The following ECSIT variants were observed in gnomAD, a reference collection of about 807,000 sequenced individuals.
ECSIT encodes the protein evolutionarily conserved signaling intermediate in Toll pathway, mitochondrial.
ECSIT carries 29 observed loss-of-function variants against 36.8 expected under a neutral mutation model. The observed-to-expected ratio is 0.79, with a 90% CI of 0.59 to 1.08. The LOEUF is 1.08. Among genes scored for constraint, ECSIT ranks in the 50% least tolerant of loss-of-function variants. ECSIT has a pLI of 0.00. For synonymous variants in ECSIT, 231 were observed against 234.8 expected (o/e 0.98, Z 0.15); for missense variants, 542 against 581.0 (o/e 0.93, Z 0.69).
chr19:11,507,982 C>G lies in ECSIT; in HGVS notation c.796+9G>C, dbSNP rs368448235. 6.8e-6 allele frequency: 11 copies of G among 1,613,936 alleles called. No homozygotes were observed. Among genetic ancestry groups the G allele is most frequent in the Non-Finnish European group, 8.5e-7 (1 of 1,179,992 alleles). On this transcript the variant is annotated intron_variant, in intron 5 of 7. Transcript: ENST00000270517. The stretch of plus-strand genomic sequence containing the variant: ...AGAGACTTGGCTGCCCCCATGCTCT[C>G]GGACTTACCTACGATGTGGGGCTGG...
intron 2 of ECSIT, among the ~76,000 whole-genome samples, chr19:11,514,718 G>T (rs779994423): frequency 6.6e-6 from 1 of 151,876 alleles, no homozygotes; most frequent in African/African-American, 2.4e-5. Context: ...GACGGGAGTC[G>T]CACTATTTTG....
At chr19:11,518,350 C>T (rs1972038359) in intron 2 of ECSIT, among the ~76,000 whole-genome samples, 1 of 152,028 alleles carries the variant, frequency 6.6e-6, no homozygotes, top group Admixed American at 6.6e-5. Context: ...TCACTTGAAC[C>T]CAGGAGGCAG....
chr19:11,521,477 A>T (rs1459073678), intron 1 of ECSIT, among the ~76,000 whole-genome samples: 1 of 151,430 alleles, frequency 6.6e-6, no homozygotes, highest in Admixed American at 6.6e-5. Context: ...TTTTTCAGTA[A>T]AAGTTATGGC....
chr19:11,520,262 C>T (rs1972075706), intron 1 of ECSIT, among the ~76,000 whole-genome samples: 1 of 152,018 alleles, frequency 6.6e-6, no homozygotes, highest in South Asian at 2.1e-4. Context: ...ACCTTCGCCT[C>T]CCGGATTCAA....
Position 11,506,052 on chromosome 19 carries a change from C to T in ECSIT, c.*132G>A, listed in dbSNP as rs1971727047. On this transcript the variant is annotated 3_prime_UTR_variant, in exon 8 of 8. Coordinates refer to ENST00000270517, the MANE Select transcript of ECSIT (RefSeq NM_016581.5). ...AGCCCGAGATCCTGGGGAGGGGATG[C>T]CATACTGCTAGAGATGAGGGAAGAG... is the stretch of plus-strand genomic sequence containing the variant. The T allele has an allele frequency of 1.4e-6, 2 of 1,418,238 alleles. No homozygotes were observed. Among genetic ancestry groups the T allele is most frequent in the Middle Eastern group, 2.6e-4 (1 of 3,858 alleles). The allele number at this position is 1,418,238 out of a possible 1,614,324, so 87.9% of individuals were successfully genotyped here.
chr19:11,519,356 T>C lies in ECSIT; in HGVS notation c.-23-163A>G, dbSNP rs1972057630. On this transcript the variant is annotated intron_variant, in intron 1 of 7. Coordinates refer to ENST00000270517, the MANE Select transcript of ECSIT (RefSeq NM_016581.5). The surrounding 1 kb of genome is among the most constrained non-coding windows in gnomAD (Gnocchi z 4.4). ...GGCTGATGACTCAAAGACTTTGTTC[T>C]TGGGACAGCACCCTAATCCTGCTGC... Among the ~76,000 whole-genome samples, 1 of 152,176 alleles carries C rather than the reference T, an allele frequency of 6.6e-6. No individual in the cohort carries two copies. Among genetic ancestry groups the C allele is most frequent in the East Asian group, 1.9e-4 (1 of 5,196 alleles).
chr19:11,524,586 T>C (rs1383679532), intron 1 of ECSIT, among the ~76,000 whole-genome samples: 12 of 150,956 alleles, frequency 7.9e-5, no homozygotes, highest in Admixed American at 7.3e-4. Context: ...ATGCTTCTTA[T>C]CCACTTTGGG....
Position 11,519,211 on chromosome 19 carries a change from TCAG to T in ECSIT, c.-23-21_-23-19del. The T allele has an allele frequency of 6.6e-7, 1 of 1,507,848 alleles. No individual in the cohort carries two copies. The allele number at this position is 1,507,848 out of a possible 1,614,324, so 93.4% of individuals were successfully genotyped here. A position where few individuals can be genotyped will look rare whatever the true frequency, so the allele number is the denominator to read the frequency against. ...ACAATCACCTGGCCCAAAAGAAGAT[TCAG>T]CATTAGCCTGGCACCTTACAGATGC... On this transcript the variant is annotated intron_variant, in intron 1 of 7. Coordinates refer to ENST00000270517, the MANE Select transcript of ECSIT (RefSeq NM_016581.5). This position sits in a 1 kb window ranked among gnomAD's most constrained non-coding sequence, Gnocchi z 4.4.
intron 4 of ECSIT, among the ~76,000 whole-genome samples, chr19:11,508,840 C>G (rs1219457743): frequency 2.0e-5 from 3 of 152,058 alleles, no homozygotes; most frequent in Non-Finnish European, 2.9e-5. Context: ...GGGCATGAAC[C>G]TAACTTTGGG....
chr19:11,507,594 A>G, intron 6 of ECSIT, 32 bp from the exon 7 acceptor site: 2 of 1,613,578 alleles, frequency 1.2e-6, no homozygotes, highest in Non-Finnish European at 1.7e-6. Context: ...AGGCGGGGTC[A>G]GAGGCCAGGG....
chr19:11,527,445 C>T (rs1972238842), intron 1 of ECSIT, among the ~76,000 whole-genome samples: 1 of 152,140 alleles, frequency 6.6e-6, no homozygotes, highest in Admixed American at 6.6e-5. Flanking sequence ...CTTTGGGAGA[C>T]CAAGGTAGGA....
intron 5 of ECSIT, 37 bp from the exon 6 acceptor site, chr19:11,507,887 G>T: frequency 6.2e-7 from 1 of 1,613,886 alleles, no homozygotes; most frequent in Non-Finnish European, 8.5e-7. Flanking sequence ...GCCCTGCAAG[G>T]GACTCGGCCC....
chr19:11,506,726 G>T (rs1971751395), intron 7 of ECSIT, among the ~76,000 whole-genome samples: 1 of 151,984 alleles, frequency 6.6e-6, no homozygotes, highest in African/African-American at 2.4e-5. Context: ...GTAGAGATGG[G>T]GTTTCACCAT....
At chr19:11,517,145 C>T (rs1972015055) in intron 2 of ECSIT, among the ~76,000 whole-genome samples, 1 of 152,020 alleles carries the variant, frequency 6.6e-6, no homozygotes, top group African/African-American at 2.4e-5. Flanking sequence ...AAAACCAAGG[C>T]TCAGGAAGAT....
intron 4 of ECSIT, among the ~76,000 whole-genome samples, chr19:11,512,272 G>A (rs1204187581): frequency 6.6e-6 from 1 of 152,078 alleles, no homozygotes; most frequent in Non-Finnish European, 1.5e-5. Context: ...TTCAGCCTGG[G>A]AGGTGGAATT....
In ECSIT at chr19:11,519,022, C is replaced by A; in HGVS notation, c.96+53G>T. 2 of 1,464,360 alleles carry A rather than the reference C, an allele frequency of 1.4e-6. No individual in the cohort carries two copies. The highest frequency in any genetic ancestry group is 1.9e-6 in the Non-Finnish European group (2 of 1,067,280). The allele number at this position is 1,464,360 out of a possible 1,614,324, so 90.7% of individuals were successfully genotyped here. ...GAGTGGATTCTGAAGGAGTTGGGAG[C>A]AAATCCCAAGCTTACCTCCCTCTAC... On this transcript the variant is annotated intron_variant, in intron 2 of 7. Transcript: ENST00000270517. This position sits in a 1 kb window ranked among gnomAD's most constrained non-coding sequence, Gnocchi z 4.4.
intron 4 of ECSIT, among the ~76,000 whole-genome samples, chr19:11,511,955 C>T (rs1971879619): frequency 6.6e-6 from 1 of 151,678 alleles, no homozygotes; most frequent in Non-Finnish European, 1.5e-5. Flanking sequence ...ATCGCTTGAA[C>T]CCGGGAGTCA....
intron 4 of ECSIT, among the ~76,000 whole-genome samples, chr19:11,511,905 T>C (rs1415033129): frequency 6.6e-6 from 1 of 151,766 alleles, no homozygotes; most frequent in Non-Finnish European, 1.5e-5. Flanking sequence ...TGGTGGTGCA[T>C]GCCTGTAATC....
intron 7 of ECSIT, 149 bp from the exon 8 acceptor site, chr19:11,506,577 C>G: frequency 8.9e-7 from 1 of 1,125,232 alleles, no homozygotes; most frequent in South Asian, 1.8e-5. Flanking sequence ...CTGTGTCACC[C>G]AGGCTGGAGT....
Sources: allele counts gnomAD v4.1 joint callset (sites outside exome capture counted in the v4.1 genomes callset), GRCh38; gene constraint gnomAD v4.1.1; non-coding constraint Gnocchi (gnomAD v3.1); transcripts MANE v1.5; gene names NCBI Gene and HGNC (gene_info 2026-07-23, HGNC 2026-07-21).